The following KCNQ1OT1 variants were observed in gnomAD, a reference collection of about 807,000 sequenced individuals.
KCNQ1OT1 encodes the protein KCNQ1 antisense RNA 2 (non-protein coding).
In KCNQ1OT1 at chr11:2,647,476, C is replaced by T. The variant is rs1849684314; in HGVS notation, n.52519G>A. 2.5e-6 allele frequency: 1 copy of T among 398,394 alleles called. No homozygotes were observed. Among genetic ancestry groups the T allele is most frequent in the African/African-American group, 2.1e-5 (1 of 48,682 alleles). The allele number at this position is 398,394 out of a possible 1,614,324, so 24.7% of individuals were successfully genotyped here. On this transcript the variant is annotated non_coding_transcript_exon_variant, in exon 1 of 1. Transcript: ENST00000597346. This position sits in a 1 kb window ranked among gnomAD's most constrained non-coding sequence, Gnocchi z 4.0. ...GTTTTCTTTTTTGCTGTTATTGTGT[C>T]CTTATCTGGTTTTGGTATCAAGATA... is the stretch of plus-strand genomic sequence containing the variant.
chr11:2,694,911 C>G (rs1460600777), exon 1 of KCNQ1OT1: 3 of 398,636 alleles, frequency 7.5e-6, no homozygotes, highest in East Asian at 3.6e-5. Context: ...CCAGAAAAGA[C>G]AAGCCAGGCA....
At chr11:2,660,672 G>C in exon 1 of KCNQ1OT1, 1 of 398,606 alleles carries the variant, frequency 2.5e-6, no homozygotes, top group Non-Finnish European at 4.4e-6. Context: ...TTTCATCCAT[G>C]CTTGATAGTC....
Position 2,627,882 on chromosome 11 carries a change from C to G in KCNQ1OT1, n.72113G>C. The G allele has an allele frequency of 2.5e-6, 1 of 398,802 alleles. No homozygotes were observed. The allele number at this position is 398,802 out of a possible 1,614,324, so 24.7% of individuals were successfully genotyped here. Reference sequence around the variant, plus strand: ...CCTCCTGCCTCAGCCTCCTGAGTAGCTGGGACCACAGTCATGCACCCCCAT... The same window carrying G: ...CCTCCTGCCTCAGCCTCCTGAGTAGGTGGGACCACAGTCATGCACCCCCAT... On this transcript the variant is annotated non_coding_transcript_exon_variant, in exon 1 of 1. Coordinates refer to ENST00000597346, the Ensembl canonical transcript of KCNQ1OT1. The surrounding 1 kb of genome is among the most constrained non-coding windows in gnomAD (Gnocchi z 4.9).
exon 1 of KCNQ1OT1, chr11:2,630,877 A>G (rs1849341325): frequency 5.0e-6 from 2 of 398,364 alleles, no homozygotes; most frequent in African/African-American, 2.1e-5. Flanking sequence ...GCAGTTTTTT[A>G]TCTTTCAGAA....
At chr11:2,696,530 C>G in exon 1 of KCNQ1OT1, 1 of 398,616 alleles carries the variant, frequency 2.5e-6, no homozygotes. Flanking sequence ...TTCAAAAGTT[C>G]AGTTGGCATT....
chr11:2,656,323 A>G (rs1290208041), exon 1 of KCNQ1OT1: 4 of 398,516 alleles, frequency 1.0e-5, no homozygotes, highest in Non-Finnish European at 1.8e-5. Context: ...CAGGTCCCAG[A>G]CCTGTGGGTC....
exon 1 of KCNQ1OT1, chr11:2,656,498 G>A (rs536855754): frequency 2.5e-6 from 1 of 398,684 alleles, no homozygotes; most frequent in African/African-American, 2.1e-5. Flanking sequence ...CGGGCCATGA[G>A]CTCCTGAGTT....
In KCNQ1OT1 at chr11:2,613,261, C is replaced by T; in HGVS notation, n.86734G>A. ...CCAAGGATAAGTAGATAGCAGGAAA[C>T]CTCTCTGATCTCTCCTGCAAGCATG... On this transcript the variant is annotated non_coding_transcript_exon_variant, in exon 1 of 1. Transcript: ENST00000597346. The surrounding 1 kb of genome is among the most constrained non-coding windows in gnomAD (Gnocchi z 4.8). 1 of 398,488 alleles carries T rather than the reference C, an allele frequency of 2.5e-6. No homozygotes were observed. Among genetic ancestry groups the T allele is most frequent in the Non-Finnish European group, 4.4e-6 (1 of 226,052 alleles). 24.7% of individuals were successfully genotyped at this position (398,488 alleles called of 1,614,324 possible).
In KCNQ1OT1 at chr11:2,685,281, C is replaced by G. The variant is rs139940328; in HGVS notation, n.14714G>C. 344 of 398,640 alleles carry G rather than the reference C, an allele frequency of 8.6e-4. 2 individuals carry two copies. The highest frequency in any genetic ancestry group is 2.5e-3 in the Middle Eastern group (4 of 1,588). The allele number at this position is 398,640 out of a possible 1,614,324, so 24.7% of individuals were successfully genotyped here. The stretch of plus-strand genomic sequence containing the variant: ...GGGCACACGTGCCACTGTGTCTTGC[C>G]CACAAACATGCACACAGAGTATCGA... On this transcript the variant is annotated non_coding_transcript_exon_variant, in exon 1 of 1. Transcript: ENST00000597346.
exon 1 of KCNQ1OT1, chr11:2,615,695 C>T (rs578138141): frequency 2.5e-6 from 1 of 398,020 alleles, no homozygotes; most frequent in East Asian, 3.6e-5. Context: ...GATTGATACT[C>T]TTGTACTGAA....
chr11:2,637,676 A>C (rs945526718), exon 1 of KCNQ1OT1: 1 of 152,132 alleles, frequency 6.6e-6, no homozygotes, highest in African/African-American at 2.4e-5. Context: ...TTGGGTTGGA[A>C]TGTTCTGTAG....
chr11:2,626,402 C>T lies in KCNQ1OT1; in HGVS notation n.73593G>A, dbSNP rs12575958. On this transcript the variant is annotated non_coding_transcript_exon_variant, in exon 1 of 1. Coordinates refer to ENST00000597346, the Ensembl canonical transcript of KCNQ1OT1. The surrounding 1 kb of genome is among the most constrained non-coding windows in gnomAD (Gnocchi z 4.0). Reference sequence around the variant, plus strand: ...CTTTCCCTATTGAATGGTCTTGGCACTCTTCTCAGGAATCATTTGATCATG... The same window carrying T: ...CTTTCCCTATTGAATGGTCTTGGCATTCTTCTCAGGAATCATTTGATCATG... 54,581 of 398,446 alleles carry T rather than the reference C, an allele frequency of 0.14. 3,887 individuals carry two copies. The highest frequency in any genetic ancestry group is 0.16 in the Middle Eastern group (252 of 1,588). The allele number at this position is 398,446 out of a possible 1,614,324, so 24.7% of individuals were successfully genotyped here.
chr11:2,681,559 G>A, exon 1 of KCNQ1OT1: 1 of 398,430 alleles, frequency 2.5e-6, no homozygotes, highest in Middle Eastern at 6.3e-4. Flanking sequence ...CCCTTTTCTA[G>A]AGTAACTTCC....
chr11:2,677,978 G>T lies in KCNQ1OT1; in HGVS notation n.22017C>A, dbSNP rs1331911792. The stretch of plus-strand genomic sequence containing the variant: ...TGGAGCTTTAATTTACATTTCTTTT[G>T]TTGGAAATGAGGTTTTTATCTTTCC... On this transcript the variant is annotated non_coding_transcript_exon_variant, in exon 1 of 1. Coordinates refer to ENST00000597346, the Ensembl canonical transcript of KCNQ1OT1. The surrounding 1 kb of genome is among the most constrained non-coding windows in gnomAD (Gnocchi z 4.5). 2.5e-6 allele frequency: 1 copy of T among 397,864 alleles called. No homozygotes were observed. Among genetic ancestry groups the T allele is most frequent in the Non-Finnish European group, 4.4e-6 (1 of 225,986 alleles). The allele number at this position is 397,864 out of a possible 1,614,324, so 24.6% of individuals were successfully genotyped here.
At chr11:2,631,497 C>A (rs1589992510) in exon 1 of KCNQ1OT1, 4 of 286,840 alleles carry the variant, frequency 1.4e-5, no homozygotes, top group Non-Finnish European at 2.4e-5. Context: ...ATTAGGTTGT[C>A]TCTCTGTTCT....
At chr11:2,656,119 C>G (rs1195567790) in exon 1 of KCNQ1OT1, 2 of 398,548 alleles carry the variant, frequency 5.0e-6, no homozygotes, top group Non-Finnish European at 8.8e-6. Context: ...TACGTTCTAG[C>G]CTGTGCTCCA....
chr11:2,633,534 T>G (rs1849398952), exon 1 of KCNQ1OT1: 1 of 398,464 alleles, frequency 2.5e-6, no homozygotes, highest in African/African-American at 2.1e-5. Flanking sequence ...CAATTTTGAG[T>G]TGATTTTTTT....
rs1849600750 is a variant in KCNQ1OT1, at chr11:2,642,813, C to T, written n.57182G>A. ...GGAGGCATTTATTACAATAAACTTT[C>T]CTCTTAGCATTGCTTTTGCAGTATC... On this transcript the variant is annotated non_coding_transcript_exon_variant, in exon 1 of 1. Coordinates refer to ENST00000597346, the Ensembl canonical transcript of KCNQ1OT1. This position sits in a 1 kb window ranked among gnomAD's most constrained non-coding sequence, Gnocchi z 4.3. 1 of 397,630 alleles carries T rather than the reference C, an allele frequency of 2.5e-6. No individual in the cohort carries two copies. Among genetic ancestry groups the T allele is most frequent in the Admixed American group, 4.4e-5 (1 of 22,678 alleles). The allele number at this position is 397,630 out of a possible 1,614,324, so 24.6% of individuals were successfully genotyped here.
Position 2,620,373 on chromosome 11 carries a change from C to T in KCNQ1OT1, n.79622G>A, listed in dbSNP as rs892770804. 12 of 207,598 alleles carry T rather than the reference C, an allele frequency of 5.8e-5. No individual in the cohort carries two copies. Among genetic ancestry groups the T allele is most frequent in the African/African-American group, 2.5e-4 (11 of 43,416 alleles). 12.9% of individuals were successfully genotyped at this position (207,598 alleles called of 1,614,324 possible). ...CTGGGATTAGAGGCATGCGCCACCA[C>T]GTCCAGCTAATTTTGTAGTTTTAGT... is the stretch of plus-strand genomic sequence containing the variant. On this transcript the variant is annotated non_coding_transcript_exon_variant, in exon 1 of 1. Coordinates refer to ENST00000597346, the Ensembl canonical transcript of KCNQ1OT1. This position sits in a 1 kb window ranked among gnomAD's most constrained non-coding sequence, Gnocchi z 4.5.
Sources: allele counts gnomAD v4.1 joint callset, GRCh38; gene constraint gnomAD v4.1.1; non-coding constraint Gnocchi (gnomAD v3.1); transcripts MANE v1.5; gene names NCBI Gene and HGNC (gene_info 2026-07-23, HGNC 2026-07-21).